The following TLL2 variants were observed in gnomAD, a reference collection of about 807,000 sequenced individuals.
TLL2 encodes tolloid like 2.
TLL2 carries 106 observed loss-of-function variants against 123.0 expected under a neutral mutation model. The ratio of observed to expected loss-of-function variants is 0.86; its 90% CI spans 0.74 to 1.01. The LOEUF (loss-of-function observed/expected upper bound fraction) is 1.01. TLL2 is among the 50% of genes least tolerant of loss of function. The pLI is 0.00. For synonymous variants in TLL2, 494 were observed against 516.8 expected (o/e 0.96, Z 0.60); for missense variants, 1,332 against 1,336.7 (o/e 1.00, Z 0.06).
chr10:96,448,378 C>G (rs771358944), intron 2 of TLL2, among the ~76,000 whole-genome samples: 8 of 152,232 alleles, frequency 5.3e-5, no homozygotes, highest in Non-Finnish European at 1.0e-4. Flanking sequence ...TGGAGGCGAG[C>G]TGGAGCCGAC....
intron 1 of TLL2, among the ~76,000 whole-genome samples, chr10:96,504,262 G>T (rs1052532209): frequency 2.6e-5 from 4 of 152,170 alleles, no homozygotes; most frequent in Non-Finnish European, 5.9e-5. Flanking sequence ...TTAGCCTAAT[G>T]CCATCCTCAG....
chr10:96,500,631 G>A (rs1391334899), intron 1 of TLL2, among the ~76,000 whole-genome samples: 3 of 152,036 alleles, frequency 2.0e-5, no homozygotes, highest in African/African-American at 7.2e-5. Context: ...CTGTCTCTAC[G>A]ACACATACAA....
At chr10:96,408,119 T>G (rs909592800) in intron 9 of TLL2, among the ~76,000 whole-genome samples, 1 of 152,264 alleles carries the variant, frequency 6.6e-6, no homozygotes, top group Non-Finnish European at 1.5e-5. Flanking sequence ...CGTGCTCATA[T>G]TCAGGTGGTA....
At chr10:96,375,431 C>G (rs1156716430) in intron 18 of TLL2, 1 of 152,162 alleles carries the variant, frequency 6.6e-6, no homozygotes, top group East Asian at 1.9e-4. Context: ...TGTGCGTTTG[C>G]GCGCTCCCAA....
At chr10:96,404,760 A>G (rs1192050301) in intron 10 of TLL2, among the ~76,000 whole-genome samples, 1 of 152,204 alleles carries the variant, frequency 6.6e-6, no homozygotes, top group African/African-American at 2.4e-5. Flanking sequence ...TTTTTAATCA[A>G]AATGGAATCC....
At chr10:96,449,356 G>T (rs1360460287) in intron 2 of TLL2, among the ~76,000 whole-genome samples, 1 of 152,132 alleles carries the variant, frequency 6.6e-6, no homozygotes, top group African/African-American at 2.4e-5. Context: ...TTATTCCCAG[G>T]GGATACAAGG....
intron 3 of TLL2, among the ~76,000 whole-genome samples, chr10:96,441,067 G>C (rs1399867746): frequency 2.0e-5 from 3 of 152,214 alleles, no homozygotes; most frequent in African/African-American, 7.2e-5. Flanking sequence ...TAAATTCTCT[G>C]GCTCTGGGAG....
At chr10:96,451,101 T>A (rs1036840081) in intron 2 of TLL2, among the ~76,000 whole-genome samples, 7 of 152,306 alleles carry the variant, frequency 4.6e-5, no homozygotes, top group Non-Finnish European at 8.8e-5. Flanking sequence ...CCGTGATGCA[T>A]GGGCCCGGCT....
rs375309356 is a variant in TLL2, at chr10:96,506,177, G to A, written c.175+7334C>T. 1.6e-4 allele frequency among the ~76,000 whole-genome samples: 22 copies of A among 136,570 alleles called. No individual in the cohort carries two copies. The East Asian group carries it at 2.7e-3, about 17-fold the overall frequency. The allele number at this position is 136,570 out of a possible 152,430, so 89.6% of individuals were successfully genotyped here. On this transcript the variant is annotated intron_variant, in intron 1 of 20. Transcript: ENST00000357947. ...TGAGGCAGGACAATCAATTGAATCC[G>A]GGAAGTGGAGGTTGTAGCGAGCTGA... is the stretch of plus-strand genomic sequence containing the variant.
At chr10:96,483,687 T>C (rs941678074) in intron 1 of TLL2, among the ~76,000 whole-genome samples, 8 of 152,084 alleles carry the variant, frequency 5.3e-5, no homozygotes, top group African/African-American at 1.9e-4. Context: ...GGTAAGTATG[T>C]TGTATATACG....
At chr10:96,473,818 G>A (rs989383728) in intron 2 of TLL2, among the ~76,000 whole-genome samples, 1 of 152,072 alleles carries the variant, frequency 6.6e-6, no homozygotes, top group African/African-American at 2.4e-5. Context: ...CAGACTTCCT[G>A]GACTCTTTGG....
At chr10:96,430,830 C>T (rs1479439395) in intron 4 of TLL2, among the ~76,000 whole-genome samples, 2 of 151,994 alleles carry the variant, frequency 1.3e-5, no homozygotes, top group Non-Finnish European at 2.9e-5. Flanking sequence ...TGCAGTGAGA[C>T]GTGATCATGC....
chr10:96,480,732 C>A (rs1342014749), intron 1 of TLL2, among the ~76,000 whole-genome samples: 2 of 152,220 alleles, frequency 1.3e-5, no homozygotes, highest in East Asian at 3.8e-4. Flanking sequence ...CTTGTCCTCG[C>A]TCTAGGCAGC....
intron 19 of TLL2, among the ~76,000 whole-genome samples, chr10:96,372,299 A>G (rs1345527841): frequency 6.6e-6 from 1 of 152,186 alleles, no homozygotes; most frequent in Admixed American, 6.5e-5. Context: ...CCGGTACTGA[A>G]AAAAAACTGG....
intron 9 of TLL2, among the ~76,000 whole-genome samples, chr10:96,407,001 C>T (rs1467437604): frequency 6.6e-6 from 1 of 151,906 alleles, no homozygotes; most frequent in African/African-American, 2.4e-5. Flanking sequence ...TGGACTCCTC[C>T]CTGCTGTGGC....
At chr10:96,379,184 G>A in intron 16 of TLL2, 92 bp from the exon 17 acceptor site, 4 of 1,514,826 alleles carry the variant, frequency 2.6e-6, no homozygotes, top group Non-Finnish European at 3.6e-6. Context: ...GCCTCCTCTG[G>A]GAAGCCTCTC....
rs116579040 is a variant in TLL2 at position 96,378,307 on chromosome 10, T to C, written c.2320+660A>G. ...CAAGGCCTGGAAGCCTGTGTGTTTG[T>C]CATAAATGTTCGAAATCCCTTCACT... On this transcript the variant is annotated intron_variant, in intron 17 of 20. Transcript: ENST00000357947. 8.2e-3 allele frequency among the ~76,000 whole-genome samples: 1,247 copies of C among 152,316 alleles called. 20 individuals carry two copies. Among genetic ancestry groups the C allele is most frequent in the African/African-American group, 0.029 (1,206 of 41,570 alleles).
intron 3 of TLL2, among the ~76,000 whole-genome samples, chr10:96,442,747 C>T (rs948975607): frequency 2.0e-5 from 3 of 152,126 alleles, no homozygotes; most frequent in African/African-American, 7.2e-5. Flanking sequence ...GGGCCACAGC[C>T]GCCGTCTTCC....
In TLL2 at chr10:96,511,381, T is replaced by C. The variant is rs143430391; in HGVS notation, c.175+2130A>G. ...TGAGATGTTACCTTTTCCCCCAGGT[T>C]GTCCTTATCATCGCCCTCTTCTGGC... On this transcript the variant is annotated intron_variant, in intron 1 of 20. Coordinates refer to ENST00000357947, the MANE Select transcript of TLL2 (RefSeq NM_012465.4). Among the ~76,000 whole-genome samples, 24 of 152,288 alleles carry C rather than the reference T, an allele frequency of 1.6e-4. No homozygotes were observed. The Middle Eastern group carries it at 0.017, about 108-fold the overall frequency.
Sources: allele counts gnomAD v4.1 joint callset (sites outside exome capture counted in the v4.1 genomes callset), GRCh38; gene constraint gnomAD v4.1.1; transcripts MANE v1.5; gene names NCBI Gene and HGNC (gene_info 2026-07-23, HGNC 2026-07-21).